Variants in DOK5 observed in about 807,000 individuals in gnomAD.
DOK5 encodes the protein downstream of tyrosine kinase 5.
Under a neutral mutation model 43.3 loss-of-function variants are expected in DOK5, and 27 were observed. The observed-to-expected ratio is 0.62, with a 90% CI of 0.46 to 0.86. DOK5 has a LOEUF of 0.86. Ranked by LOEUF, DOK5 falls within the 40% of genes least tolerant of loss-of-function variation. The pLI is 0.00. For missense variants in DOK5, 373 were observed against 392.9 expected (o/e 0.95, Z 0.43); for synonymous variants, 146 against 140.1 (o/e 1.04, Z -0.30).
intron 1 of DOK5, among the ~76,000 whole-genome samples, chr20:54,521,553 G>T (rs1035085956): frequency 6.6e-6 from 1 of 152,184 alleles, no homozygotes; most frequent in Admixed American, 6.5e-5. Context: ...ATGGTATGGG[G>T]TGTGATGTGA....
intron 2 of DOK5, among the ~76,000 whole-genome samples, chr20:54,571,649 T>C (rs934775932): frequency 2.0e-5 from 3 of 152,130 alleles, no homozygotes; most frequent in Admixed American, 6.5e-5. Flanking sequence ...GTGGGCAAAA[T>C]CTTCCCCAGA....
At chr20:54,587,578 G>T (rs771523126) in intron 2 of DOK5, among the ~76,000 whole-genome samples, 2 of 152,142 alleles carry the variant, frequency 1.3e-5, no homozygotes, top group African/African-American at 4.8e-5. Context: ...CTAAGGCTTC[G>T]CTCAGGCATG....
chr20:54,581,479 A>G (rs1358460743), intron 2 of DOK5, among the ~76,000 whole-genome samples: 1 of 151,284 alleles, frequency 6.6e-6, no homozygotes, highest in Non-Finnish European at 1.5e-5. Flanking sequence ...TTTTTTTAAC[A>G]ATGTTAATTT....
chr20:54,524,410 A>G (rs1240395399), intron 1 of DOK5, among the ~76,000 whole-genome samples: 1 of 152,148 alleles, frequency 6.6e-6, no homozygotes, highest in Non-Finnish European at 1.5e-5. Context: ...TTGAAACTGA[A>G]CAGTTCCTGG....
chr20:54,641,305 A>C (rs886540845), intron 6 of DOK5, among the ~76,000 whole-genome samples: 1 of 152,154 alleles, frequency 6.6e-6, no homozygotes, highest in African/African-American at 2.4e-5. Flanking sequence ...CAATGCATAC[A>C]AATTAAATTT....
intron 1 of DOK5, among the ~76,000 whole-genome samples, chr20:54,518,393 T>C (rs952702767): frequency 6.6e-6 from 1 of 151,996 alleles, no homozygotes; most frequent in Non-Finnish European, 1.5e-5. Context: ...TTTGTCCTTG[T>C]GATAGTTTGC....
At chr20:54,561,447 A>G (rs1239868538) in intron 2 of DOK5, among the ~76,000 whole-genome samples, 1 of 152,050 alleles carries the variant, frequency 6.6e-6, no homozygotes, top group East Asian at 1.9e-4. Flanking sequence ...GTTCTTTCCT[A>G]CTGATTCGAA....
At chr20:54,604,572 G>A (rs908735816) in intron 5 of DOK5, among the ~76,000 whole-genome samples, 4 of 152,018 alleles carry the variant, frequency 2.6e-5, no homozygotes, top group Non-Finnish European at 5.9e-5. Context: ...CCTTCACAGC[G>A]GCTGTTATGC....
chr20:54,631,641 A>C (rs1402749864), intron 6 of DOK5, among the ~76,000 whole-genome samples: 1 of 152,208 alleles, frequency 6.6e-6, no homozygotes, highest in Non-Finnish European at 1.5e-5. Flanking sequence ...ATAATAAAAA[A>C]TATAGCAAAA....
At chr20:54,490,423 T>C (rs910697271) in intron 1 of DOK5, among the ~76,000 whole-genome samples, 2 of 152,238 alleles carry the variant, frequency 1.3e-5, no homozygotes, top group Admixed American at 6.5e-5. Context: ...GTCTATATTC[T>C]TGGTCAATCT....
intron 7 of DOK5, among the ~76,000 whole-genome samples, chr20:54,649,153 G>A (rs969764770): frequency 2.6e-5 from 4 of 152,152 alleles, no homozygotes; most frequent in African/African-American, 9.7e-5. Flanking sequence ...GGTGAGAGTG[G>A]GACTATGGTC....
At chr20:54,623,858 C>T (rs1350706427) in intron 6 of DOK5, among the ~76,000 whole-genome samples, 1 of 152,150 alleles carries the variant, frequency 6.6e-6, no homozygotes, top group Non-Finnish European at 1.5e-5. Flanking sequence ...GGATTACAGG[C>T]GTGAGCCACT....
chr20:54,612,513 A>C (rs933590549), intron 6 of DOK5, among the ~76,000 whole-genome samples: 3 of 152,208 alleles, frequency 2.0e-5, no homozygotes, highest in Non-Finnish European at 4.4e-5. Context: ...GATTGAGTAA[A>C]GCAAATTGCC....
rs375313007 is a variant in DOK5 at position 54,578,629 on chromosome 20, ACTTCT to A, written c.175-9848_175-9844del. The stretch of plus-strand genomic sequence containing the variant: ...ATACCATTTTTAATAATAAAATTTG[ACTTCT>A]CTTCTTTTCTGTTATCAAAACTCTT... On this transcript the variant is annotated intron_variant, in intron 2 of 7. Transcript: ENST00000262593. Among the ~76,000 whole-genome samples, 134 of 152,258 alleles carry A rather than the reference ACTTCT, an allele frequency of 8.8e-4. 1 individual carries two copies. Among genetic ancestry groups the A allele is most frequent in the Middle Eastern group, 3.4e-3 (1 of 294 alleles).
At chr20:54,616,507 T>A (rs4811512) in intron 6 of DOK5, among the ~76,000 whole-genome samples, 42,934 of 152,152 alleles carry the variant, frequency 0.28, 6,786 homozygotes, top group African/African-American at 0.4. Context: ...TCACACATCT[T>A]TCTCTGGGAC....
chr20:54,512,718 C>T (rs55795381), intron 1 of DOK5, among the ~76,000 whole-genome samples: 1 of 152,168 alleles, frequency 6.6e-6, no homozygotes, highest in Non-Finnish European at 1.5e-5. Flanking sequence ...GGATAAACTC[C>T]ATTTCAATGG....
At chr20:54,595,315 G>A (rs1023160492) in intron 5 of DOK5, among the ~76,000 whole-genome samples, 1 of 152,066 alleles carries the variant, frequency 6.6e-6, no homozygotes, top group Non-Finnish European at 1.5e-5. Flanking sequence ...ACTCCAGCCT[G>A]GGTGACACAG....
chr20:54,627,815 AC>A (rs1978369533), intron 6 of DOK5, among the ~76,000 whole-genome samples: 1 of 152,186 alleles, frequency 6.6e-6, no homozygotes, highest in Non-Finnish European at 1.5e-5. Context: ...AGGTCGCTAG[AC>A]CAGGTAACAT....
chr20:54,542,099 TACACAC>T (rs59020714), intron 1 of DOK5, among the ~76,000 whole-genome samples: 104 of 122,052 alleles, frequency 8.5e-4, no homozygotes, highest in South Asian at 2.7e-3. Context: ...TATTATAAGA[TACACAC>T]ACACACACAC....
Sources: allele counts gnomAD v4.1 joint callset (sites outside exome capture counted in the v4.1 genomes callset), GRCh38; gene constraint gnomAD v4.1.1; transcripts MANE v1.5; gene names NCBI Gene and HGNC (gene_info 2026-07-23, HGNC 2026-07-21).